The following AMMECR1 variants were observed in gnomAD, a reference collection of about 807,000 sequenced individuals.
AMMECR1 encodes nuclear protein AMMECR1.
A neutral mutation model predicts 22.5 loss-of-function variants in AMMECR1; 3 were observed. The ratio of observed to expected loss-of-function variants is 0.13; its 90% CI spans 0.06 to 0.35. AMMECR1 has a LOEUF of 0.35. Ranked by LOEUF, AMMECR1 falls within the 10% of genes least tolerant of loss-of-function variation. The pLI, the probability that AMMECR1 is intolerant of heterozygous loss-of-function variation, is 1.00. For missense variants in AMMECR1, 235 were observed against 278.7 expected, an observed-to-expected ratio of 0.84 and a Z score of 1.12; for synonymous variants, 130 against 116.7, an observed-to-expected ratio of 1.11 and a Z score of -0.74.
At position 110,360,887 on chromosome X, in the gene AMMECR1, T is replaced by C. The variant is rs144789650; in HGVS notation, c.-147-43038A>G. On this transcript the variant is annotated intron_variant, in intron 2 of 7. Coordinates refer to the AMMECR1 transcript ENST00000372057. ...TGATAGGATTTTGTCACGGACTGAC[T>C]TCTGGAGTTGAAAGGTAGAGGAAGG... 3.9e-4 allele frequency among the ~76,000 whole-genome samples: 44 copies of C among 111,704 alleles called. No individual in the cohort carries two copies. In the East Asian group the frequency reaches 0.012, roughly 31 times the overall value.
intron 2 of AMMECR1, among the ~76,000 whole-genome samples, chrX:110,334,298 G>T (rs1032628958): frequency 8.9e-6 from 1 of 111,852 alleles, no homozygotes; most frequent in Non-Finnish European, 1.9e-5. Context: ...TTCTAATTTG[G>T]TGTTGTTGGT....
At chrX:110,207,179 TGTATTGGACA>T (rs2067425714) in intron 3 of AMMECR1, among the ~76,000 whole-genome samples, 1 of 111,226 alleles carries the variant, frequency 9.0e-6, no homozygotes. Context: ...AAACAAACAC[TGTATTGGACA>T]GTCCATGGGT....
intron 2 of AMMECR1, among the ~76,000 whole-genome samples, chrX:110,258,436 G>A (rs1035363959): frequency 9.0e-6 from 1 of 111,633 alleles, no homozygotes; most frequent in Non-Finnish European, 1.9e-5. Context: ...TTTGAGTAAA[G>A]AGCGTACAAC....
At chrX:110,211,950 A>T (rs1412531061) in intron 3 of AMMECR1, among the ~76,000 whole-genome samples, 1 of 111,908 alleles carries the variant, frequency 8.9e-6, no homozygotes, top group Non-Finnish European at 1.9e-5. Context: ...TATAATTACT[A>T]TTCTGAGGAA....
intron 2 of AMMECR1, among the ~76,000 whole-genome samples, chrX:110,250,110 C>A (rs747663352): frequency 8.9e-6 from 1 of 112,150 alleles, no homozygotes; most frequent in East Asian, 2.8e-4. Flanking sequence ...ACAAAATGAT[C>A]ATTTCATTAC....
chrX:110,399,097 C>G (rs1287241476), intron 2 of AMMECR1, among the ~76,000 whole-genome samples: 1 of 112,149 alleles, frequency 8.9e-6, no homozygotes, highest in Non-Finnish European at 1.9e-5. Flanking sequence ...GACTCATGGT[C>G]TCTTGTTCTT....
chrX:110,202,690 T>C (rs1053714397), intron 3 of AMMECR1, among the ~76,000 whole-genome samples, 154 bp from the exon 4 acceptor site: 4 of 111,909 alleles, frequency 3.6e-5, no homozygotes, highest in African/African-American at 1.3e-4. Context: ...TGACTTTGGA[T>C]TTGAAGGCCA....
chrX:110,317,434 G>A (rs1485078547), intron 1 of AMMECR1, among the ~76,000 whole-genome samples, 165 bp downstream of exon 1: 6 of 112,032 alleles, frequency 5.4e-5, no homozygotes, highest in Non-Finnish European at 1.9e-5. Flanking sequence ...CTGCCTCGGA[G>A]GGCAAAAAGC....
chrX:110,325,221 C>A (rs965143040), intron 2 of AMMECR1, among the ~76,000 whole-genome samples: 4 of 111,921 alleles, frequency 3.6e-5, no homozygotes. Context: ...TATTTTGATA[C>A]TAGCTTACGA....
At chrX:110,376,752 G>A (rs1337037910) in intron 2 of AMMECR1, among the ~76,000 whole-genome samples, 1 of 112,572 alleles carries the variant, frequency 8.9e-6, no homozygotes, top group East Asian at 2.8e-4. Context: ...AAACCTCCCT[G>A]CGACTGTTCT....
intron 2 of AMMECR1, among the ~76,000 whole-genome samples, chrX:110,371,643 G>A (rs968719864): frequency 6.3e-5 from 7 of 111,294 alleles, no homozygotes; most frequent in African/African-American, 2.3e-4. Flanking sequence ...CTGGAGATCA[G>A]AGACAGGTTA....
chrX:110,400,062 G>A (rs1212249022), intron 2 of AMMECR1, among the ~76,000 whole-genome samples: 2 of 110,267 alleles, frequency 1.8e-5, no homozygotes, highest in Non-Finnish European at 3.8e-5. Context: ...TGCTCTGTGT[G>A]CTTAGAGGAC....
chrX:110,422,310 G>T (rs1057025059), intron 2 of AMMECR1, among the ~76,000 whole-genome samples: 1 of 112,686 alleles, frequency 8.9e-6, no homozygotes, highest in Non-Finnish European at 1.9e-5. Context: ...GCCTTTTGTT[G>T]TCCTTACCTG....
intron 2 of AMMECR1, 143 bp downstream of exon 2, chrX:110,264,346 A>G (rs921489550): frequency 2.6e-5 from 10 of 391,322 alleles, no homozygotes; most frequent in Non-Finnish European, 4.6e-5. Context: ...GAAAAGGTAA[A>G]TGGTTAAAGA....
At chrX:110,366,391 A>G (rs2068297525) in intron 2 of AMMECR1, among the ~76,000 whole-genome samples, 1 of 111,573 alleles carries the variant, frequency 9.0e-6, no homozygotes, top group African/African-American at 3.3e-5. Flanking sequence ...GGATTTGAAA[A>G]TTTTTGTGAC....
intron 1 of AMMECR1, among the ~76,000 whole-genome samples, chrX:110,264,974 A>G (rs778052007): frequency 8.9e-6 from 1 of 111,821 alleles, no homozygotes; most frequent in Non-Finnish European, 1.9e-5. Context: ...AGCCTTAACC[A>G]TTATGGCTAA....
chrX:110,204,151 A>T (rs1440694695), intron 3 of AMMECR1, among the ~76,000 whole-genome samples: 1 of 111,150 alleles, frequency 9.0e-6, no homozygotes, highest in Non-Finnish European at 1.9e-5. Flanking sequence ...AATTTGCAAA[A>T]TTTCCTGTAT....
chrX:110,386,359 T>C (rs2068455263), intron 2 of AMMECR1, among the ~76,000 whole-genome samples: 1 of 109,993 alleles, frequency 9.1e-6, no homozygotes, highest in Non-Finnish European at 1.9e-5. Flanking sequence ...TATTTTTTAT[T>C]TATTTTTTAT....
At chrX:110,395,748 A>G (rs1005459751) in intron 2 of AMMECR1, among the ~76,000 whole-genome samples, 4 of 111,053 alleles carry the variant, frequency 3.6e-5, no homozygotes, top group African/African-American at 1.3e-4. Context: ...AGGCCCTGAA[A>G]TCTCCTGGGA....
Sources: allele counts gnomAD v4.1 joint callset (sites outside exome capture counted in the v4.1 genomes callset), GRCh38; gene constraint gnomAD v4.1.1; transcripts MANE v1.5; gene names NCBI Gene and HGNC (gene_info 2026-07-23, HGNC 2026-07-21).